MFHAS1: variants seen among roughly 807,000 people sequenced by gnomAD.
MFHAS1 encodes multifunctional ROCO family signaling regulator 1, also known as malignant fibrous histiocytoma-amplified sequence 1.
A neutral mutation model predicts 70.4 loss-of-function variants in MFHAS1; 50 were observed. The observed-to-expected ratio is 0.71, with a 90% CI of 0.57 to 0.90. The LOEUF is 0.90. Ranked by LOEUF, MFHAS1 falls within the 40% of genes least tolerant of loss-of-function variation. The probability of loss-of-function intolerance (pLI) is 0.00; values close to 1 mark genes in which losing one functional copy is unlikely to be tolerated. For missense variants in MFHAS1, 1,795 were observed against 1,347.6 expected (o/e 1.33, Z -5.20); for synonymous variants, 952 against 620.0 (o/e 1.54, Z -7.96).
At chr8:8,888,951 GA>G (rs532834928) in intron 1 of MFHAS1, among the ~76,000 whole-genome samples, 91 of 145,588 alleles carry the variant, frequency 6.3e-4, no homozygotes, top group African/African-American at 2.3e-3. Flanking sequence ...TGGGGAAGGG[GA>G]TATATGGGAA....
At chr8:8,859,095 G>A (rs1808564236) in intron 1 of MFHAS1, among the ~76,000 whole-genome samples, 1 of 152,228 alleles carries the variant, frequency 6.6e-6, no homozygotes, top group Admixed American at 6.5e-5. Context: ...GCTCATGCCT[G>A]TAATCCCAAA....
intron 1 of MFHAS1, among the ~76,000 whole-genome samples, chr8:8,833,615 C>G (rs1318975105): frequency 6.6e-6 from 1 of 151,914 alleles, no homozygotes; most frequent in African/African-American, 2.4e-5. Context: ...GGTGACAGAA[C>G]AAGACCCTGT....
intron 1 of MFHAS1, among the ~76,000 whole-genome samples, chr8:8,879,870 A>G (rs547487511): frequency 6.6e-6 from 1 of 152,306 alleles, no homozygotes; most frequent in South Asian, 2.1e-4. Context: ...AATCATCTAC[A>G]TTTGTATCAC....
intron 1 of MFHAS1, among the ~76,000 whole-genome samples, chr8:8,869,486 T>A (rs114255358): frequency 1.3e-5 from 2 of 152,180 alleles, no homozygotes; most frequent in Admixed American, 1.3e-4. Flanking sequence ...CTTATTTCTA[T>A]GAGACCCTTC....
At chr8:8,871,157 T>C (rs920219289) in intron 1 of MFHAS1, among the ~76,000 whole-genome samples, 1 of 152,212 alleles carries the variant, frequency 6.6e-6, no homozygotes. Flanking sequence ...TGTGTGCCCC[T>C]GGCCATATGA....
At chr8:8,834,259 CG>C (rs1488216265) in intron 1 of MFHAS1, among the ~76,000 whole-genome samples, 2 of 152,178 alleles carry the variant, frequency 1.3e-5, no homozygotes, top group Non-Finnish European at 2.9e-5. Context: ...ATTCCTATCA[CG>C]GAGTGACATC....
rs558486251 is a variant in MFHAS1 at position 8,872,339 on chromosome 8, C to A, written c.2998+17722G>T. Among the ~76,000 whole-genome samples, 185 of 152,276 alleles carry A rather than the reference C, an allele frequency of 1.2e-3. 1 individual carries two copies. The highest frequency in any genetic ancestry group is 4.3e-3 in the African/African-American group (180 of 41,546). ...GAAATCCCCCCATGAATAAATGTGT[C>A]TGCAATCACAAATGGCCCCATAAAT... On this transcript the variant is annotated intron_variant, in intron 1 of 2. Coordinates refer to ENST00000276282, the MANE Select transcript of MFHAS1 (RefSeq NM_004225.3).
At chr8:8,791,489 G>A (rs1805718044) in intron 2 of MFHAS1, among the ~76,000 whole-genome samples, 1 of 152,108 alleles carries the variant, frequency 6.6e-6, no homozygotes, top group Non-Finnish European at 1.5e-5. Flanking sequence ...TTTGGTGGAG[G>A]ACGGATTTGC....
At position 8,794,870 on chromosome 8, in the gene MFHAS1, G is replaced by A. The variant is rs541458717; in HGVS notation, c.3125+2495C>T. ...ACCCATGACTTTAGGCTGCTTGTTC[G>A]TTCAGGTTCAATACGCTGTCGAGAG... On this transcript the variant is annotated intron_variant, in intron 2 of 2. Coordinates refer to ENST00000276282, the MANE Select transcript of MFHAS1 (RefSeq NM_004225.3). Among the ~76,000 whole-genome samples, 17 of 152,260 alleles carry A rather than the reference G, an allele frequency of 1.1e-4. No individual in the cohort carries two copies. In the South Asian group the frequency reaches 2.9e-3, roughly 26 times the overall value.
intron 1 of MFHAS1, among the ~76,000 whole-genome samples, chr8:8,803,326 C>T (rs1046249301): frequency 9.2e-5 from 14 of 151,936 alleles, no homozygotes; most frequent in African/African-American, 3.4e-4. Flanking sequence ...ACCAGCCTGG[C>T]CAACATGGTG....
At chr8:8,801,591 C>T (rs115428173) in intron 1 of MFHAS1, among the ~76,000 whole-genome samples, 126 of 152,342 alleles carry the variant, frequency 8.3e-4, no homozygotes, top group African/African-American at 3.0e-3. Context: ...ATGATCTTAA[C>T]TCACATATGA....
intron 1 of MFHAS1, among the ~76,000 whole-genome samples, chr8:8,861,359 C>T (rs1409854666): frequency 6.6e-6 from 1 of 152,148 alleles, no homozygotes; most frequent in East Asian, 1.9e-4. Context: ...GATTGGATAT[C>T]AACAATTTCA....
chr8:8,820,827 A>AGCTGTGCT (rs1224441345), intron 1 of MFHAS1, among the ~76,000 whole-genome samples: 1 of 152,258 alleles, frequency 6.6e-6, no homozygotes, highest in Admixed American at 6.5e-5. Context: ...TCCAGGCCAA[A>AGCTGTGCT]GCTGTGCTGC....
At chr8:8,854,986 T>A (rs1434468814) in intron 1 of MFHAS1, among the ~76,000 whole-genome samples, 1 of 152,164 alleles carries the variant, frequency 6.6e-6, no homozygotes, top group Non-Finnish European at 1.5e-5. Context: ...CACAGCTCAC[T>A]GCAGCCTCCA....
At chr8:8,827,879 G>C (rs899946510) in intron 1 of MFHAS1, among the ~76,000 whole-genome samples, 1 of 151,996 alleles carries the variant, frequency 6.6e-6, no homozygotes. Flanking sequence ...CATTATTTAA[G>C]TCTAAATCTT....
chr8:8,886,964 T>G (rs1033657936), intron 1 of MFHAS1, among the ~76,000 whole-genome samples: 8 of 152,090 alleles, frequency 5.3e-5, no homozygotes, highest in African/African-American at 1.7e-4. Context: ...CCGCCTCTAC[T>G]AAAAATACAA....
chr8:8,813,285 A>G (rs1356956708), intron 1 of MFHAS1, among the ~76,000 whole-genome samples: 2 of 152,224 alleles, frequency 1.3e-5, no homozygotes, highest in African/African-American at 4.8e-5. Flanking sequence ...ACAAACGACT[A>G]TGTTACTGGA....
chr8:8,827,422 A>G (rs1308413049), intron 1 of MFHAS1, among the ~76,000 whole-genome samples: 1 of 152,218 alleles, frequency 6.6e-6, no homozygotes, highest in Non-Finnish European at 1.5e-5. Flanking sequence ...TTCACCAGCA[A>G]GGTGGGTATT....
chr8:8,893,417 G>A lies in MFHAS1; in HGVS notation c.-359C>T, dbSNP rs1274149119. ...GCCCGGCTCCGGCCCCGCTACCCTC[G>A]CAGCCGCGGTCCCGCGGCCGGCAGC... is the stretch of plus-strand genomic sequence containing the variant. On this transcript the variant is annotated 5_prime_UTR_variant, in exon 1 of 3. An upstream open reading frame in the 5' UTR gains an earlier in-frame stop. Transcript: ENST00000276282. 2 of 145,358 alleles carry A rather than the reference G, an allele frequency of 1.4e-5. No individual in the cohort carries two copies. Among genetic ancestry groups the A allele is most frequent in the Non-Finnish European group, 3.1e-5 (2 of 65,378 alleles). 9.0% of individuals were successfully genotyped at this position (145,358 alleles called of 1,614,324 possible). A position where few individuals can be genotyped will look rare whatever the true frequency, so the allele number is the denominator to read the frequency against.
Sources: allele counts gnomAD v4.1 joint callset (sites outside exome capture counted in the v4.1 genomes callset), GRCh38; gene constraint gnomAD v4.1.1; transcripts MANE v1.5; gene names NCBI Gene and HGNC (gene_info 2026-07-23, HGNC 2026-07-21).